EPHA5: variants seen among roughly 807,000 people sequenced by gnomAD.
EPHA5 encodes the protein EPH receptor A5, also known as ephrin type-A receptor 5.
Under a neutral mutation model 105.0 loss-of-function variants are expected in EPHA5, and 60 were observed. That is an observed-to-expected ratio of 0.57 (90% CI 0.46 to 0.71). The LOEUF (loss-of-function observed/expected upper bound fraction) is 0.71. Among genes scored for constraint, EPHA5 ranks in the 30% least tolerant of loss-of-function variants. The pLI is 0.00. For missense variants in EPHA5, 1,218 were observed against 1,274.7 expected, an observed-to-expected ratio of 0.96 and a Z score of 0.68; for synonymous variants, 513 against 449.1, an observed-to-expected ratio of 1.14 and a Z score of -1.80.
intron 3 of EPHA5, among the ~76,000 whole-genome samples, chr4:65,536,345 C>G (rs1736283408): frequency 2.0e-5 from 3 of 151,882 alleles, no homozygotes; most frequent in Admixed American, 2.0e-4. Flanking sequence ...TTTATTTAAA[C>G]ATTTTTAAAA....
intron 3 of EPHA5, among the ~76,000 whole-genome samples, chr4:65,559,024 C>T (rs1738749167): frequency 6.6e-6 from 1 of 152,002 alleles, no homozygotes; most frequent in Admixed American, 6.6e-5. Flanking sequence ...ATGTAACAAA[C>T]CTGCATGTTT....
chr4:65,526,267 A>G (rs1016200726), intron 3 of EPHA5, among the ~76,000 whole-genome samples: 1 of 151,882 alleles, frequency 6.6e-6, no homozygotes, highest in African/African-American at 2.4e-5. Flanking sequence ...TAACGTGACT[A>G]TGCCAAATAC....
chr4:65,669,749 C>T lies in EPHA5; in HGVS notation c.-7G>A, dbSNP rs2149572562. ...GGGGCCCCGAGCCCCGCATCTTCTCCGAGCCTCCTCCGGTGCCGCTGTCCC... is the reference window on the plus strand; with the variant it reads ...GGGGCCCCGAGCCCCGCATCTTCTCTGAGCCTCCTCCGGTGCCGCTGTCCC... On this transcript the variant is annotated 5_prime_UTR_variant, in exon 1 of 17. Transcript: ENST00000613740. 3.2e-6 allele frequency: 4 copies of T among 1,253,052 alleles called. No individual in the cohort carries two copies. The highest frequency in any genetic ancestry group is 4.0e-6 in the Non-Finnish European group (4 of 998,134). The allele number at this position is 1,253,052 out of a possible 1,614,324, so 77.6% of individuals were successfully genotyped here. A position where few individuals can be genotyped will look rare whatever the true frequency, so the allele number is the denominator to read the frequency against.
At chr4:65,446,009 T>C (rs1726485790) in intron 5 of EPHA5, among the ~76,000 whole-genome samples, 2 of 152,154 alleles carry the variant, frequency 1.3e-5, no homozygotes. Context: ...ACATCCTAAC[T>C]GGTGTTCTTT....
At chr4:65,534,853 G>T (rs771550372) in intron 3 of EPHA5, among the ~76,000 whole-genome samples, 12 of 152,290 alleles carry the variant, frequency 7.9e-5, no homozygotes, top group Non-Finnish European at 7.4e-5. Flanking sequence ...CTGAAAAGTG[G>T]CCATTATGTG....
chr4:65,654,835 T>G (rs977940522), intron 1 of EPHA5, among the ~76,000 whole-genome samples: 2 of 147,162 alleles, frequency 1.4e-5, no homozygotes, highest in African/African-American at 4.9e-5. Context: ...TAAACTAACA[T>G]TTACCATTAT....
At chr4:65,565,615 T>TGA (rs1403438140) in intron 3 of EPHA5, among the ~76,000 whole-genome samples, 1 of 151,428 alleles carries the variant, frequency 6.6e-6, no homozygotes, top group Non-Finnish European at 1.5e-5. Context: ...CTTCAAATAA[T>TGA]ATTCTGCTTT....
chr4:65,454,554 C>T (rs976641509), intron 5 of EPHA5, among the ~76,000 whole-genome samples: 1 of 152,126 alleles, frequency 6.6e-6, no homozygotes, highest in Non-Finnish European at 1.5e-5. Flanking sequence ...CTAGAATGTA[C>T]ACATTATACA....
chr4:65,622,278 G>A (rs1031077159), intron 2 of EPHA5, among the ~76,000 whole-genome samples: 7 of 152,044 alleles, frequency 4.6e-5, no homozygotes, highest in Admixed American at 3.9e-4. Flanking sequence ...TGTCTGGATA[G>A]ATAAACTGAG....
At chr4:65,623,512 T>G (rs931170818) in intron 2 of EPHA5, among the ~76,000 whole-genome samples, 2 of 152,108 alleles carry the variant, frequency 1.3e-5, no homozygotes, top group African/African-American at 4.8e-5. Flanking sequence ...GAGAATATAA[T>G]ATAACATATA....
intron 1 of EPHA5, among the ~76,000 whole-genome samples, chr4:65,659,764 C>T (rs1280142946): frequency 6.6e-6 from 1 of 152,086 alleles, no homozygotes; most frequent in African/African-American, 2.4e-5. Flanking sequence ...AAATATAATA[C>T]ATTCCAAATT....
rs547795808 is a variant in EPHA5, at chr4:65,476,180, C to A, written c.1402+14197G>T. 1.3e-4 allele frequency among the ~76,000 whole-genome samples: 19 copies of A among 149,024 alleles called. 1 individual carries two copies. In the South Asian group the frequency reaches 4.0e-3, roughly 31 times the overall value. ...TGTGTTAAAATATGCAGATTATTGGCCCCTACATTGTATATACTAAATCAT... is the reference window on the plus strand; with the variant it reads ...TGTGTTAAAATATGCAGATTATTGGACCCTACATTGTATATACTAAATCAT... On this transcript the variant is annotated intron_variant, in intron 5 of 16. Transcript: ENST00000613740.
chr4:65,429,858 C>A (rs1177488026), intron 5 of EPHA5, among the ~76,000 whole-genome samples: 1 of 151,958 alleles, frequency 6.6e-6, no homozygotes, highest in Non-Finnish European at 1.5e-5. Context: ...AACTTTATGG[C>A]TACAGAATGA....
At chr4:65,468,706 T>A (rs1046968024) in intron 5 of EPHA5, among the ~76,000 whole-genome samples, 5 of 142,494 alleles carry the variant, frequency 3.5e-5, no homozygotes, top group East Asian at 4.0e-4. Context: ...TATATATATA[T>A]AAAACAAGGT....
intron 5 of EPHA5, among the ~76,000 whole-genome samples, chr4:65,473,910 A>G: frequency 6.6e-6 from 1 of 151,272 alleles, no homozygotes; most frequent in East Asian, 1.9e-4. Flanking sequence ...TGAAATAGAA[A>G]TATTTCCTTT....
intron 5 of EPHA5, among the ~76,000 whole-genome samples, chr4:65,440,887 G>T (rs1009149933): frequency 3.3e-5 from 5 of 151,994 alleles, no homozygotes; most frequent in African/African-American, 1.2e-4. Context: ...AAATTGAGGA[G>T]GCTGCTTTGT....
chr4:65,410,551 C>T (rs1292043643), intron 7 of EPHA5, among the ~76,000 whole-genome samples: 1 of 152,242 alleles, frequency 6.6e-6, no homozygotes, highest in African/African-American at 2.4e-5. Context: ...GGCGTAGAAT[C>T]TAATACACAT....
intron 3 of EPHA5, among the ~76,000 whole-genome samples, chr4:65,598,842 A>G (rs1238065046): frequency 1.3e-5 from 2 of 152,076 alleles, no homozygotes; most frequent in African/African-American, 4.8e-5. Flanking sequence ...GTGCATAGGG[A>G]AGGGGAGAAA....
At chr4:65,423,669 GT>G (rs71657409) in intron 5 of EPHA5, among the ~76,000 whole-genome samples, 14,247 of 142,036 alleles carry the variant, frequency 0.1, 794 homozygotes, top group Middle Eastern at 0.17. Flanking sequence ...GGGTTTGTCT[GT>G]TTTTTTTTTT....
Sources: gnomAD v4.1 joint callset for allele counts (sites outside exome capture counted in the v4.1 genomes callset) on GRCh38, gnomAD v4.1.1 for gene constraint, MANE v1.5 for transcripts, NCBI Gene and HGNC (gene_info 2026-07-23, HGNC 2026-07-21) for gene names.